UGT8: variants seen among roughly 807,000 people sequenced by gnomAD.
UGT8 encodes 2-hydroxyacylsphingosine 1-beta-galactosyltransferase.
A neutral mutation model predicts 40.5 loss-of-function variants in UGT8; 12 were observed. The ratio of observed to expected loss-of-function variants is 0.30; its 90% CI spans 0.19 to 0.48. The LOEUF (loss-of-function observed/expected upper bound fraction) is 0.48. Among genes scored for constraint, UGT8 ranks in the 20% least tolerant of loss-of-function variants. The pLI is 0.99. For synonymous variants in UGT8, 224 were observed against 240.4 expected (o/e 0.93, Z 0.63); for missense variants, 513 against 648.7 (o/e 0.79, Z 2.27).
At chr4:114,653,277 C>T (rs766228242) in intron 2 of UGT8, among the ~76,000 whole-genome samples, 2 of 152,034 alleles carry the variant, frequency 1.3e-5, no homozygotes, top group Non-Finnish European at 2.9e-5. Flanking sequence ...ATATCCATGA[C>T]GTTATAGTCG....
chr4:114,651,631 T>C (rs893694584), intron 2 of UGT8, among the ~76,000 whole-genome samples: 1 of 152,122 alleles, frequency 6.6e-6, no homozygotes, highest in Non-Finnish European at 1.5e-5. Flanking sequence ...ATGCAGAGAA[T>C]CTGTCATTCT....
At chr4:114,675,876 G>T (rs374244824) in intron 5 of UGT8, 49 bp from the exon 6 acceptor site, 81 of 1,529,510 alleles carry the variant, frequency 5.3e-5, no homozygotes, top group Non-Finnish European at 6.7e-5. Flanking sequence ...CATAAATATA[G>T]AACTTTATTA....
chr4:114,606,984 G>A (rs1730771831), intron 1 of UGT8, among the ~76,000 whole-genome samples: 1 of 152,142 alleles, frequency 6.6e-6, no homozygotes, highest in Admixed American at 6.5e-5. Flanking sequence ...AGGAATATTG[G>A]TGGGAAAATG....
intron 2 of UGT8, among the ~76,000 whole-genome samples, chr4:114,640,016 TA>T (rs1733109956): frequency 6.8e-6 from 1 of 147,168 alleles, no homozygotes; most frequent in South Asian, 2.2e-4. Context: ...TAGTTTCATG[TA>T]AAAATATGTT....
Position 114,626,447 on chromosome 4 carries a change from C to T in UGT8, c.822+2745C>T, listed in dbSNP as rs578081436. On this transcript the variant is annotated intron_variant, in intron 2 of 5. Coordinates refer to ENST00000310836, the MANE Select transcript of UGT8 (RefSeq NM_001128174.3). ...TTCCAGATGTCTGTAAATGATTTTA[C>T]AGTGGGACTGAATTTCACAACCTGG... is the stretch of plus-strand genomic sequence containing the variant. 4.8e-3 allele frequency among the ~76,000 whole-genome samples: 724 copies of T among 152,266 alleles called. 4 individuals are homozygous for T. Among genetic ancestry groups the T allele is most frequent in the Non-Finnish European group, 8.3e-3 (567 of 68,016 alleles).
intron 2 of UGT8, among the ~76,000 whole-genome samples, chr4:114,633,398 G>A (rs1732699600): frequency 6.6e-6 from 1 of 152,162 alleles, no homozygotes; most frequent in South Asian, 2.1e-4. Flanking sequence ...AAAGTGGAGA[G>A]AGCTGATGGA....
At chr4:114,671,145 C>T (rs1228498870) in intron 5 of UGT8, among the ~76,000 whole-genome samples, 3 of 152,034 alleles carry the variant, frequency 2.0e-5, no homozygotes, top group Non-Finnish European at 4.4e-5. Flanking sequence ...AACCACTGCT[C>T]AAGGAAATGA....
intron 1 of UGT8, among the ~76,000 whole-genome samples, chr4:114,618,907 C>G (rs1402624603): frequency 6.6e-6 from 1 of 152,072 alleles, no homozygotes; most frequent in Non-Finnish European, 1.5e-5. Context: ...CCTTCGTCAT[C>G]TATTAGGCTT....
intron 1 of UGT8, among the ~76,000 whole-genome samples, chr4:114,605,405 A>G (rs1034409124): frequency 1.3e-5 from 2 of 152,192 alleles, no homozygotes; most frequent in African/African-American, 4.8e-5. Context: ...TTGACTTGAT[A>G]TAAATAACAG....
At position 114,668,615 on chromosome 4, in the gene UGT8, T is replaced by C. The variant is rs148030446; in HGVS notation, c.1262+311T>C. On this transcript the variant is annotated intron_variant, in intron 5 of 5. Transcript: ENST00000310836. ...GTGCTTTATTTCATTTTCATACTTA[T>C]AACAGCTGTATATCACAGTTTTTAT... 1.1e-4 allele frequency among the ~76,000 whole-genome samples: 17 copies of C among 152,366 alleles called. No individual in the cohort carries two copies. The East Asian group carries it at 2.7e-3, about 24-fold the overall frequency.
intron 2 of UGT8, among the ~76,000 whole-genome samples, chr4:114,645,066 A>C (rs1456865770): frequency 2.6e-5 from 4 of 152,060 alleles, no homozygotes; most frequent in Non-Finnish European, 5.9e-5. Context: ...ACCATCTTCA[A>C]GGTTTGGAAA....
At chr4:114,670,697 C>T (rs544820048) in intron 5 of UGT8, among the ~76,000 whole-genome samples, 1 of 152,226 alleles carries the variant, frequency 6.6e-6, no homozygotes, top group South Asian at 2.1e-4. Context: ...GACAAACCTA[C>T]AGCCAGTATC....
chr4:114,628,474 T>G (rs1732376995), intron 2 of UGT8, among the ~76,000 whole-genome samples: 1 of 152,032 alleles, frequency 6.6e-6, no homozygotes, highest in African/African-American at 2.4e-5. Flanking sequence ...GAATAACTAT[T>G]CTAATGTTAC....
intron 5 of UGT8, 61 bp downstream of exon 5, chr4:114,668,365 C>T (rs1408691437): frequency 7.4e-7 from 1 of 1,345,394 alleles, no homozygotes; most frequent in Non-Finnish European, 1.0e-6. Flanking sequence ...TTGTCAGTAG[C>T]CAATTATTTT....
chr4:114,663,726 A>G (rs1734689337), intron 2 of UGT8: 18 of 985,028 alleles, frequency 1.8e-5, no homozygotes, highest in Non-Finnish European at 2.0e-5. Context: ...CCTTTTTCTG[A>G]GATTTTAAGC....
chr4:114,666,552 T>G (rs188310762), intron 4 of UGT8, among the ~76,000 whole-genome samples: 446 of 152,254 alleles, frequency 2.9e-3, no homozygotes, highest in Non-Finnish European at 4.6e-3. Context: ...TATTTTTTTA[T>G]TTTTAAATCT....
intron 2 of UGT8, among the ~76,000 whole-genome samples, chr4:114,651,235 A>T (rs7679466): frequency 6.6e-6 from 1 of 151,978 alleles, no homozygotes; most frequent in African/African-American, 2.4e-5. Flanking sequence ...GTCTCTTACC[A>T]ATTTTCCTGT....
intron 2 of UGT8, among the ~76,000 whole-genome samples, chr4:114,653,374 A>G (rs754731031): frequency 6.6e-6 from 1 of 152,018 alleles, no homozygotes; most frequent in Non-Finnish European, 1.5e-5. Flanking sequence ...ACTCAAGTAT[A>G]CTTTGATATT....
chr4:114,656,918 C>T (rs549686827), intron 2 of UGT8: 11 of 446,908 alleles, frequency 2.5e-5, no homozygotes, highest in Non-Finnish European at 4.5e-5. Flanking sequence ...TTTATTTATT[C>T]TTTGATATGT....
Sources: gnomAD v4.1 joint callset for allele counts (sites outside exome capture counted in the v4.1 genomes callset) on GRCh38, gnomAD v4.1.1 for gene constraint, MANE v1.5 for transcripts, NCBI Gene and HGNC (gene_info 2026-07-23, HGNC 2026-07-21) for gene names.